CYTH1: variants seen among roughly 807,000 people sequenced by gnomAD.
CYTH1 encodes cytohesin 1, also known as cytohesin-1.
CYTH1 carries 18 observed loss-of-function variants against 61.8 expected under a neutral mutation model. The observed-to-expected ratio is 0.29, with a 90% CI of 0.20 to 0.43. The LOEUF is 0.43. CYTH1 is among the 20% of genes least tolerant of loss of function. CYTH1 has a pLI of 1.00. For missense variants in CYTH1, 336 were observed against 510.5 expected (o/e 0.66, Z 3.29); for synonymous variants, 174 against 184.3 (o/e 0.94, Z 0.45).
chr17:78,714,615 A>C (rs180930793), intron 1 of CYTH1, among the ~76,000 whole-genome samples: 2 of 152,242 alleles, frequency 1.3e-5, no homozygotes, highest in African/African-American at 4.8e-5. Flanking sequence ...GCTGGTGTCC[A>C]GGGTAAAGCC....
At chr17:78,770,296 C>G (rs1322698958) in intron 1 of CYTH1, among the ~76,000 whole-genome samples, 1 of 137,976 alleles carries the variant, frequency 7.2e-6, no homozygotes, top group African/African-American at 2.8e-5. Flanking sequence ...GCACTCCAGC[C>G]TGGGCAACAA....
chr17:78,718,093 C>T (rs965784083), intron 1 of CYTH1, among the ~76,000 whole-genome samples: 1 of 151,996 alleles, frequency 6.6e-6, no homozygotes, highest in Non-Finnish European at 1.5e-5. Context: ...CAGAGTTGCT[C>T]CCAGGCCAAG....
chr17:78,732,953 G>T (rs1485580006), intron 1 of CYTH1, among the ~76,000 whole-genome samples: 2 of 151,954 alleles, frequency 1.3e-5, no homozygotes, highest in African/African-American at 4.8e-5. Context: ...CGGGCGTGGT[G>T]GTACGTTCCT....
rs1213340380 is a variant in CYTH1, at chr17:78,755,853, G to T, written c.22+26349C>A. On this transcript the variant is annotated intron_variant, in intron 1 of 13. Transcript: ENST00000446868. ...TTGAGCCCAAGAGGTTGAGGTTGCA[G>T]TGAGCTGTGTTCATGCCACCACACT... Among the ~76,000 whole-genome samples the T allele has an allele frequency of 2.0e-5, 3 of 151,748 alleles. No individual in the cohort carries two copies. In the East Asian group the frequency reaches 5.9e-4, roughly 30 times the overall value.
At chr17:78,726,422 T>C (rs992116912) in intron 1 of CYTH1, among the ~76,000 whole-genome samples, 2 of 151,524 alleles carry the variant, frequency 1.3e-5, no homozygotes, top group African/African-American at 2.4e-5. Context: ...TGTCAGTTAC[T>C]GTGGAAGACA....
In CYTH1 at chr17:78,686,682, C is replaced by G. The variant is rs1305182408; in HGVS notation, c.892-5640G>C. The stretch of plus-strand genomic sequence containing the variant: ...TCCCCAGCCTTTTTGGTACCAGGAA[C>G]TGGTTTCATGGAAGACAATTTTTCC... On this transcript the variant is annotated intron_variant, in intron 11 of 13. Transcript: ENST00000446868. 2.0e-5 allele frequency among the ~76,000 whole-genome samples: 3 copies of G among 152,276 alleles called. No individual in the cohort carries two copies. In the East Asian group the frequency reaches 5.8e-4, roughly 29 times the overall value.
In CYTH1 at chr17:78,771,021, G is replaced by A. The variant is rs150825326; in HGVS notation, c.22+11181C>T. 1.4e-3 allele frequency among the ~76,000 whole-genome samples: 219 copies of A among 152,266 alleles called. 1 individual carries two copies. The highest frequency in any genetic ancestry group is 1.6e-3 in the Non-Finnish European group (109 of 68,026). On this transcript the variant is annotated intron_variant, in intron 1 of 13. Transcript: ENST00000446868. ...CTCACATCGGTAATCCCAGCACTTT[G>A]GGAGGCCGAGGTGGACAGATCACAT...
Position 78,700,299 on chromosome 17 carries a change from C to T in CYTH1, c.550+32G>A. 1 of 1,549,172 alleles carries T rather than the reference C, an allele frequency of 6.5e-7. No individual in the cohort carries two copies. The highest frequency in any genetic ancestry group is 8.8e-7 in the Non-Finnish European group (1 of 1,141,836). ...AGAAAATAATCCAGTGTAAAACGCC[C>T]ATCATAAACTAGGATGAATGATCGT... On this transcript the variant is annotated intron_variant, in intron 7 of 13. Coordinates refer to ENST00000446868, the MANE Select transcript of CYTH1 (RefSeq NM_004762.6). This position sits in a 1 kb window ranked among gnomAD's most constrained non-coding sequence, Gnocchi z 5.1.
chr17:78,707,807 AGTAGCTGGGACTACAGGT>A lies in CYTH1; in HGVS notation c.170+372_170+389del, dbSNP rs2093084585. ...GCAATTCTCCTGCCTCAGCCTCCCG[AGTAGCTGGGACTACAGGT>A]GTGCACCACCACACCCGTCTAATTT... is the stretch of plus-strand genomic sequence containing the variant. On this transcript the variant is annotated intron_variant, in intron 3 of 13. Coordinates refer to ENST00000446868, the MANE Select transcript of CYTH1 (RefSeq NM_004762.6). Among the ~76,000 whole-genome samples, 3 of 151,836 alleles carry A rather than the reference AGTAGCTGGGACTACAGGT, an allele frequency of 2.0e-5. No individual in the cohort carries two copies. The South Asian group carries it at 6.2e-4, about 32-fold the overall frequency.
intron 11 of CYTH1, among the ~76,000 whole-genome samples, chr17:78,688,832 T>C (rs2144126136): frequency 6.6e-6 from 1 of 152,350 alleles, no homozygotes; most frequent in South Asian, 2.1e-4. Flanking sequence ...CAAAGTGGGC[T>C]TGGCGAATGT....
At chr17:78,677,214 G>A (rs2092709922) in intron 13 of CYTH1, 1 of 392,306 alleles carries the variant, frequency 2.5e-6, no homozygotes, top group African/African-American at 2.1e-5. Context: ...CGGGACACCT[G>A]CTTTCATGTT....
At chr17:78,684,225 C>T (rs1311094491) in intron 11 of CYTH1, among the ~76,000 whole-genome samples, 3 of 152,236 alleles carry the variant, frequency 2.0e-5, no homozygotes, top group Non-Finnish European at 1.5e-5. Flanking sequence ...CACACTCATC[C>T]TGCCACTTGA....
At chr17:78,747,298 G>C (rs2093363419) in intron 1 of CYTH1, among the ~76,000 whole-genome samples, 2 of 152,196 alleles carry the variant, frequency 1.3e-5, no homozygotes, top group South Asian at 4.1e-4. Context: ...CTAACGAGGG[G>C]AGTGACTTTT....
At chr17:78,740,757 A>G (rs964204170) in intron 1 of CYTH1, among the ~76,000 whole-genome samples, 7 of 152,230 alleles carry the variant, frequency 4.6e-5, no homozygotes, top group African/African-American at 1.7e-4. Context: ...GGGTACTATT[A>G]ATAATTACAT....
chr17:78,766,726 T>C (rs1208515408), intron 1 of CYTH1, among the ~76,000 whole-genome samples: 2 of 151,968 alleles, frequency 1.3e-5, no homozygotes, highest in South Asian at 2.1e-4. Flanking sequence ...AGAAAGTACA[T>C]AAATTCATCT....
rs1255225425 is a variant in CYTH1, at chr17:78,760,536, C to CAT, written c.22+21664_22+21665dup. Among the ~76,000 whole-genome samples the CAT allele has an allele frequency of 1.2e-4, 5 of 42,196 alleles. 1 individual carries two copies. Among genetic ancestry groups the CAT allele is most frequent in the African/African-American group, 3.0e-4 (3 of 9,878 alleles). 27.7% of individuals were successfully genotyped at this position (42,196 alleles called of 152,430 possible). A position where few individuals can be genotyped will look rare whatever the true frequency, so the allele number is the denominator to read the frequency against. On this transcript the variant is annotated intron_variant, in intron 1 of 13. Coordinates refer to ENST00000446868, the MANE Select transcript of CYTH1 (RefSeq NM_004762.6). Reference sequence around the variant, plus strand: ...ATATATGTATATATATATATACATACATATATATGTATATATATATGTATA... The same window carrying CAT: ...ATATATGTATATATATATATACATACATATATATATGTATATATATATGTATA...
At position 78,674,609 on chromosome 17, in the gene CYTH1, AG is replaced by A. The variant is rs2092677101; in HGVS notation, c.*1481del. ...AGATGCTCGCCAACCCTAAAGGATC[AG>A]AGGAGCCGTGGCGACGCGGCCCTGT... On this transcript the variant is annotated 3_prime_UTR_variant, in exon 14 of 14. Coordinates refer to ENST00000446868, the MANE Select transcript of CYTH1 (RefSeq NM_004762.6). 6.6e-6 allele frequency: 1 copy of A among 152,482 alleles called. No homozygotes were observed. The highest frequency in any genetic ancestry group is 1.9e-4 in the East Asian group (1 of 5,202). 9.4% of individuals were successfully genotyped at this position (152,482 alleles called of 1,614,324 possible).
intron 1 of CYTH1, among the ~76,000 whole-genome samples, chr17:78,771,658 G>C (rs765299202): frequency 1.3e-5 from 2 of 151,710 alleles, no homozygotes; most frequent in Non-Finnish European, 2.9e-5. Context: ...TTGAACCAGG[G>C]AGTTGGAGGT....
chr17:78,711,999 A>AG, intron 1 of CYTH1, among the ~76,000 whole-genome samples: 1 of 151,972 alleles, frequency 6.6e-6, no homozygotes, highest in Admixed American at 6.5e-5. Flanking sequence ...GGATTGCTTG[A>AG]GCCTGGGGTG....
Sources: allele counts gnomAD v4.1 joint callset (sites outside exome capture counted in the v4.1 genomes callset), GRCh38; gene constraint gnomAD v4.1.1; non-coding constraint Gnocchi (gnomAD v3.1); transcripts MANE v1.5; gene names NCBI Gene and HGNC (gene_info 2026-07-23, HGNC 2026-07-21).